Variants in MYT1L observed in about 807,000 individuals in gnomAD.
MYT1L encodes the protein myelin transcription factor 1-like protein.
MYT1L carries 12 observed loss-of-function variants against 126.7 expected under a neutral mutation model. The observed-to-expected ratio is 0.09, with a 90% CI of 0.06 to 0.15. The LOEUF is 0.15. Among genes scored for constraint, MYT1L ranks in the 10% least tolerant of loss-of-function variants. The pLI is 1.00. For missense variants in MYT1L, 979 were observed against 1,585.2 expected (o/e 0.62, Z 6.49); for synonymous variants, 541 against 604.2 (o/e 0.90, Z 1.53).
intron 3 of MYT1L, among the ~76,000 whole-genome samples, chr2:2,134,540 A>T (rs1437372355): frequency 6.6e-6 from 1 of 152,144 alleles, no homozygotes; most frequent in Non-Finnish European, 1.5e-5. Flanking sequence ...GAGGCATTGG[A>T]TGATGAGGTC....
In MYT1L at chr2:2,262,932, AACC is replaced by A. The variant is rs372573194; in HGVS notation, c.-421+21469_-421+21471del. 9.6e-3 allele frequency among the ~76,000 whole-genome samples: 390 copies of A among 40,744 alleles called. 55 individuals carry two copies. Among genetic ancestry groups the A allele is most frequent in the African/African-American group, 0.029 (271 of 9,308 alleles). The allele number at this position is 40,744 out of a possible 152,430, so 26.7% of individuals were successfully genotyped here. A position where few individuals can be genotyped will look rare whatever the true frequency, so the allele number is the denominator to read the frequency against. Reference sequence around the variant, plus strand: ...GAGGCACAAATATATATATATATATAACCTGTGATATATATATATATATCACAG... The same window carrying A: ...GAGGCACAAATATATATATATATATATGTGATATATATATATATATCACAG... On this transcript the variant is annotated intron_variant, in intron 2 of 24. Coordinates refer to ENST00000647738, the MANE Select transcript of MYT1L (RefSeq NM_001303052.2).
intron 3 of MYT1L, among the ~76,000 whole-genome samples, chr2:2,135,136 C>G (rs2082874229): frequency 1.3e-5 from 2 of 152,174 alleles, no homozygotes; most frequent in African/African-American, 4.8e-5. Flanking sequence ...TATGGTTTGG[C>G]TGTGTCCCCA....
intron 1 of MYT1L, among the ~76,000 whole-genome samples, chr2:2,290,886 G>GA (rs2095589055): frequency 6.6e-6 from 1 of 152,084 alleles, no homozygotes; most frequent in Non-Finnish European, 1.5e-5. Context: ...ACTAGCAAAA[G>GA]AAAATCCAGA....
chr2:2,267,565 A>G (rs1159328881), intron 2 of MYT1L, among the ~76,000 whole-genome samples: 2 of 152,166 alleles, frequency 1.3e-5, no homozygotes. Flanking sequence ...AAGCAACAGG[A>G]TTTCCTAAAT....
intron 2 of MYT1L, among the ~76,000 whole-genome samples, chr2:2,214,626 T>C (rs1305471329): frequency 2.0e-5 from 3 of 152,184 alleles, no homozygotes; most frequent in African/African-American, 4.8e-5. Context: ...CACAAAAATG[T>C]CATTCAAAAG....
At chr2:2,278,245 G>C (rs2095395695) in intron 2 of MYT1L, among the ~76,000 whole-genome samples, 1 of 152,174 alleles carries the variant, frequency 6.6e-6, no homozygotes. Context: ...ATGATTCCAA[G>C]AGGTCCAGGC....
intron 3 of MYT1L, among the ~76,000 whole-genome samples, chr2:2,057,123 T>G (rs985305418): frequency 2.6e-5 from 4 of 152,212 alleles, no homozygotes; most frequent in Non-Finnish European, 5.9e-5. Flanking sequence ...TGTGTTCATA[T>G]ATGTGCATGC....
At chr2:1,818,421 A>G (rs935255719) in intron 21 of MYT1L, among the ~76,000 whole-genome samples, 1 of 152,166 alleles carries the variant, frequency 6.6e-6, no homozygotes, top group African/African-American at 2.4e-5. Flanking sequence ...CATTTTATTT[A>G]TTTTACTATT....
intron 3 of MYT1L, among the ~76,000 whole-genome samples, chr2:2,114,783 G>A (rs2079974073): frequency 1.3e-5 from 2 of 152,190 alleles, no homozygotes; most frequent in Non-Finnish European, 2.9e-5. Context: ...AACGCAAGGA[G>A]TCGAAGAGAT....
chr2:2,303,013 T>C (rs999553027), intron 1 of MYT1L, among the ~76,000 whole-genome samples: 5 of 152,194 alleles, frequency 3.3e-5, no homozygotes, highest in African/African-American at 1.2e-4. Context: ...CATCATCTAC[T>C]ATTTGCCAGG....
chr2:1,840,686 T>C lies in MYT1L; in HGVS notation c.2858+74A>G, dbSNP rs4381806. On this transcript the variant is annotated intron_variant, in intron 20 of 24. Transcript: ENST00000647738. ...GCTGTCTCTTTTTCTTGTTGACATA[T>C]ACTTGCTTTGCTTGAATGCCTCGTC... 423,373 of 1,058,210 alleles carry C rather than the reference T, an allele frequency of 0.4. 91,136 individuals are homozygous for C. The highest frequency in any genetic ancestry group is 0.74 in the African/African-American group (46,239 of 62,146). 65.6% of individuals were successfully genotyped at this position (1,058,210 alleles called of 1,614,324 possible).
intron 3 of MYT1L, among the ~76,000 whole-genome samples, chr2:2,083,678 T>A (rs1482230424): frequency 6.6e-6 from 1 of 152,158 alleles, no homozygotes; most frequent in African/African-American, 2.4e-5. Context: ...CAGGACTGAT[T>A]AGAACAGAAA....
At chr2:1,951,404 G>A (rs756366797) in intron 8 of MYT1L, among the ~76,000 whole-genome samples, 1 of 152,102 alleles carries the variant, frequency 6.6e-6, no homozygotes, top group Non-Finnish European at 1.5e-5. Context: ...GCTGGCCCAG[G>A]AGACACAACC....
At chr2:1,827,276 T>G (rs2039494852) in intron 21 of MYT1L, 1 of 152,254 alleles carries the variant, frequency 6.6e-6, no homozygotes, top group Non-Finnish European at 1.5e-5. Context: ...GTGCTGCATT[T>G]ACTCCTGGGC....
At chr2:2,271,407 T>C (rs935957396) in intron 2 of MYT1L, among the ~76,000 whole-genome samples, 1 of 152,176 alleles carries the variant, frequency 6.6e-6, no homozygotes, top group Non-Finnish European at 1.5e-5. Context: ...TGATAAAGGA[T>C]GGCTTAAAAA....
Position 1,875,832 on chromosome 2 carries a change from C to T in MYT1L, c.2711+10707G>A, listed in dbSNP as rs190446928. On this transcript the variant is annotated intron_variant, in intron 18 of 24. Transcript: ENST00000647738. The stretch of plus-strand genomic sequence containing the variant: ...CAAGGGTCCAGTGAGGAAGAATTAA[C>T]TCGCTGCTCCCTCTCCCACCCCAGG... Among the ~76,000 whole-genome samples, 3 of 152,346 alleles carry T rather than the reference C, an allele frequency of 2.0e-5. No individual in the cohort carries two copies. The East Asian group carries it at 5.8e-4, about 29-fold the overall frequency.
chr2:1,898,728 C>T (rs1379752233), intron 14 of MYT1L, among the ~76,000 whole-genome samples: 4 of 152,188 alleles, frequency 2.6e-5, no homozygotes, highest in East Asian at 3.9e-4. Context: ...GGAAGGGCCG[C>T]GGACTGCCTG....
At chr2:1,942,266 C>T (rs1209506244) in intron 9 of MYT1L, among the ~76,000 whole-genome samples, 2 of 152,128 alleles carry the variant, frequency 1.3e-5, no homozygotes, top group Middle Eastern at 6.3e-3. Context: ...TGGTATTGTG[C>T]GTCGGATAGT....
Position 1,887,357 on chromosome 2 carries a change from G to T in MYT1L, c.2642+131C>A. The T allele has an allele frequency of 8.2e-7, 1 of 1,220,142 alleles. No homozygotes were observed. The highest frequency in any genetic ancestry group is 1.2e-6 in the Non-Finnish European group (1 of 855,796). 75.6% of individuals were successfully genotyped at this position (1,220,142 alleles called of 1,614,324 possible). On this transcript the variant is annotated intron_variant, in intron 17 of 24. Transcript: ENST00000647738. The surrounding 1 kb of genome is among the most constrained non-coding windows in gnomAD (Gnocchi z 4.8). The stretch of plus-strand genomic sequence containing the variant: ...AGCTGCTCACTCTACTGACCCAGCA[G>T]TCGGAAACATTTATATGCTGCGAAT...
Sources: gnomAD v4.1 joint callset for allele counts (sites outside exome capture counted in the v4.1 genomes callset) on GRCh38, gnomAD v4.1.1 for gene constraint, Gnocchi (gnomAD v3.1) non-coding constraint, MANE v1.5 for transcripts, NCBI Gene and HGNC (gene_info 2026-07-23, HGNC 2026-07-21) for gene names.